NBEAL1: variants seen among roughly 807,000 people sequenced by gnomAD.
The protein encoded by NBEAL1 is neurobeachin like 1, also known as neurobeachin-like protein 1.
Under a neutral mutation model 351.3 loss-of-function variants are expected in NBEAL1, and 273 were observed. The ratio of observed to expected loss-of-function variants is 0.78; its 90% CI spans 0.70 to 0.86. The LOEUF is 0.86. Ranked by LOEUF, NBEAL1 falls within the 40% of genes least tolerant of loss-of-function variation. The pLI is 0.00. For missense variants in NBEAL1, 2,961 were observed against 3,201.3 expected (o/e 0.92, Z 1.81); for synonymous variants, 1,050 against 1,086.4 (o/e 0.97, Z 0.66).
chr2:203,097,816 C>G (rs557820613), intron 11 of NBEAL1, among the ~76,000 whole-genome samples, 183 bp downstream of exon 11: 1 of 152,232 alleles, frequency 6.6e-6, no homozygotes, highest in African/African-American at 2.4e-5. Context: ...GGATAAATAT[C>G]TTGGTGGTTG....
rs1277171725 is a variant in NBEAL1 at position 203,062,735 on chromosome 2, T to G, written c.515+5282T>G. On this transcript the variant is annotated intron_variant, in intron 6 of 55. Transcript: ENST00000683969. This position sits in a 1 kb window ranked among gnomAD's most constrained non-coding sequence, Gnocchi z 4.2. ...GTTATCTCTAATATACACAACAATCTTGCCAGTAATGTAAGAACTGCTTCA... is the reference window on the plus strand; with the variant it reads ...GTTATCTCTAATATACACAACAATCGTGCCAGTAATGTAAGAACTGCTTCA... Among the ~76,000 whole-genome samples the G allele has an allele frequency of 6.6e-6, 1 of 152,194 alleles. No homozygotes were observed. The highest frequency in any genetic ancestry group is 2.4e-5 in the African/African-American group (1 of 41,452).
chr2:203,202,017 T>C (rs2065414088), intron 50 of NBEAL1, among the ~76,000 whole-genome samples: 1 of 152,188 alleles, frequency 6.6e-6, no homozygotes, highest in Non-Finnish European at 1.5e-5. Context: ...TAAAATCTGC[T>C]GTCATTAGAT....
chr2:203,029,208 T>G (rs879886172), intron 2 of NBEAL1, among the ~76,000 whole-genome samples: 2 of 152,150 alleles, frequency 1.3e-5, no homozygotes, highest in African/African-American at 4.8e-5. Flanking sequence ...CAGGCTGGTC[T>G]CAAACTCCTG....
rs7592646 is a variant in NBEAL1, at chr2:203,088,905, G to A, written c.1098+4336G>A. Among the ~76,000 whole-genome samples, 757 of 152,286 alleles carry A rather than the reference G, an allele frequency of 5.0e-3. 8 individuals are homozygous for A. The highest frequency in any genetic ancestry group is 0.017 in the African/African-American group (720 of 41,574). On this transcript the variant is annotated intron_variant, in intron 10 of 55. Transcript: ENST00000683969. ...GCATAAATCATTTAAGAATTGCAGA[G>A]ATACCCCAAGAATTAACCAAGTATG...
At chr2:203,098,771 G>T (rs1210988333) in intron 11 of NBEAL1, among the ~76,000 whole-genome samples, 1 of 151,800 alleles carries the variant, frequency 6.6e-6, no homozygotes, top group Non-Finnish European at 1.5e-5. Flanking sequence ...TTCATTTTCT[G>T]TGTCTGCCTC....
At chr2:203,128,601 CTTT>C (rs35686158) in intron 24 of NBEAL1, among the ~76,000 whole-genome samples, 2 of 139,338 alleles carry the variant, frequency 1.4e-5, no homozygotes. Flanking sequence ...AGATTTCTTT[CTTT>C]TTTTTTTTTT....
At chr2:203,040,547 C>T in intron 2 of NBEAL1, 1 of 668,468 alleles carries the variant, frequency 1.5e-6, no homozygotes, top group South Asian at 1.4e-5. Context: ...AATCTGAAGT[C>T]TGTGCGGGAA....
intron 2 of NBEAL1, among the ~76,000 whole-genome samples, chr2:203,023,871 G>A (rs1335329376): frequency 2.0e-5 from 3 of 152,150 alleles, no homozygotes; most frequent in Non-Finnish European, 4.4e-5. Flanking sequence ...AAGCCCTGAA[G>A]AACATTGTCA....
intron 55 of NBEAL1, among the ~76,000 whole-genome samples, chr2:203,215,732 T>C (rs1361634775): frequency 6.6e-6 from 1 of 151,040 alleles, no homozygotes; most frequent in Non-Finnish European, 1.5e-5. Context: ...GGTGGCAAGC[T>C]GGGCATGGTG....
chr2:203,068,991 A>G (rs1461267540), intron 7 of NBEAL1, among the ~76,000 whole-genome samples: 1 of 152,122 alleles, frequency 6.6e-6, no homozygotes. Flanking sequence ...CAGCCTCCCA[A>G]AGTGCTGGGA....
intron 44 of NBEAL1, among the ~76,000 whole-genome samples, chr2:203,186,067 C>T (rs947520433): frequency 3.3e-5 from 5 of 152,204 alleles, no homozygotes; most frequent in African/African-American, 9.6e-5. Context: ...CAAATTGTTT[C>T]TGTAAAGGGA....
intron 53 of NBEAL1, among the ~76,000 whole-genome samples, chr2:203,209,726 T>TGTGTGTGTGA (rs2065723764): frequency 6.6e-6 from 1 of 151,492 alleles, no homozygotes; most frequent in Admixed American, 6.6e-5. Flanking sequence ...TGTGTGTGTG[T>TGTGTGTGTGA]GTGTGTGTGT....
At chr2:203,133,665 CT>C (rs548250754) in intron 27 of NBEAL1, among the ~76,000 whole-genome samples, 12 of 149,816 alleles carry the variant, frequency 8.0e-5, no homozygotes, top group African/African-American at 2.7e-4. Context: ...CCTTGCTTTT[CT>C]TTTTTTTATT....
intron 31 of NBEAL1, among the ~76,000 whole-genome samples, chr2:203,140,877 G>A (rs1039849365): frequency 6.6e-6 from 1 of 152,088 alleles, no homozygotes; most frequent in African/African-American, 2.4e-5. Context: ...ATTTTGGGAG[G>A]ATGAGGCATG....
At chr2:203,020,576 C>T (rs1413784706) in intron 2 of NBEAL1, among the ~76,000 whole-genome samples, 1 of 150,640 alleles carries the variant, frequency 6.6e-6, no homozygotes, top group East Asian at 2.0e-4. Context: ...GAGGCTGAGG[C>T]AGGAGAATCG....
intron 47 of NBEAL1, among the ~76,000 whole-genome samples, chr2:203,196,065 A>G (rs1460987245): frequency 6.6e-6 from 1 of 152,204 alleles, no homozygotes; most frequent in African/African-American, 2.4e-5. Context: ...CAGGCCTGCT[A>G]TGTTAACTCT....
chr2:203,172,978 G>T, intron 41 of NBEAL1, 125 bp downstream of exon 41: 2 of 628,898 alleles, frequency 3.2e-6, no homozygotes, highest in East Asian at 3.2e-5. Context: ...ATCAGAGTCT[G>T]ATAATTACTT....
At chr2:203,155,247 CA>C (rs71226711) in intron 35 of NBEAL1, among the ~76,000 whole-genome samples, 31 of 138,054 alleles carry the variant, frequency 2.2e-4, no homozygotes, top group Admixed American at 5.1e-4. Context: ...AACCCTCTCT[CA>C]AAAAAAAAAA....
In NBEAL1 at chr2:203,130,471, T is replaced by C; in HGVS notation, c.3559T>C (p.Phe1187Leu). ...KYSDRLREII[F>L]KIMEQMLKCT... is the part of the protein sequence containing the mutation. ...CTCTGACAGACTAAGAGAAATCATT[T>C]TTAAGGTACAAACATTTCTTAAACA... Residue 1187 changes from phenylalanine (F) to leucine (L), a missense_variant, in exon 25 of 56, where the codon TTT becomes CTT. Transcript: ENST00000683969. 1.4e-6 allele frequency: 2 copies of C among 1,424,172 alleles called. No individual in the cohort carries two copies. Among genetic ancestry groups the C allele is most frequent in the Non-Finnish European group, 1.8e-6 (2 of 1,091,744 alleles). 88.2% of individuals were successfully genotyped at this position (1,424,172 alleles called of 1,614,324 possible).
Sources: allele counts gnomAD v4.1 joint callset (sites outside exome capture counted in the v4.1 genomes callset), GRCh38; gene constraint gnomAD v4.1.1; non-coding constraint Gnocchi (gnomAD v3.1); transcripts MANE v1.5; gene names NCBI Gene and HGNC (gene_info 2026-07-23, HGNC 2026-07-21).